ESCO2: variants seen among roughly 807,000 people sequenced by gnomAD.
ESCO2 encodes the protein establishment of sister chromatid cohesion N-acetyltransferase 2.
Under a neutral mutation model 61.7 loss-of-function variants are expected in ESCO2, and 51 were observed. That is an observed-to-expected ratio of 0.83 (90% CI 0.66 to 1.04). The LOEUF (loss-of-function observed/expected upper bound fraction) is 1.04, where lower values mean the gene tolerates loss of function less well. Ranked by LOEUF, ESCO2 falls within the 50% of genes least tolerant of loss-of-function variation. The pLI is 0.00. For missense variants in ESCO2, 692 were observed against 686.2 expected (o/e 1.01, Z -0.09); for synonymous variants, 230 against 238.2 (o/e 0.97, Z 0.32).
chr8:27,772,969 A>G (rs1305130105), upstream of ESCO2, among the ~76,000 whole-genome samples: 1 of 152,104 alleles, frequency 6.6e-6, no homozygotes. Flanking sequence ...TGGGGATTGG[A>G]CTTTGTTCTG....
At chr8:27,802,270 C>T (rs1805447000) in intron 10 of ESCO2, among the ~76,000 whole-genome samples, 1 of 151,068 alleles carries the variant, frequency 6.6e-6, no homozygotes, top group Admixed American at 6.6e-5. Flanking sequence ...TAGTTTTTCC[C>T]TTCTTAAAGC....
chr8:27,813,621 C>T (rs1430753672), downstream of ESCO2, among the ~76,000 whole-genome samples: 1 of 152,072 alleles, frequency 6.6e-6, no homozygotes, highest in Non-Finnish European at 1.5e-5. Context: ...CATATAGTTA[C>T]CATTTTTTTG....
chr8:27,772,258 G>C (rs1804650519), upstream of ESCO2, among the ~76,000 whole-genome samples: 1 of 152,342 alleles, frequency 6.6e-6, no homozygotes, highest in Non-Finnish European at 1.5e-5. Flanking sequence ...TCCGATTAGG[G>C]GACGAGAACT....
intron 9 of ESCO2, among the ~76,000 whole-genome samples, chr8:27,798,432 C>A (rs1805351531): frequency 6.6e-6 from 1 of 151,576 alleles, no homozygotes; most frequent in African/African-American, 2.4e-5. Flanking sequence ...GCAATCCAGC[C>A]TGGGCCACAG....
At chr8:27,797,886 C>G (rs539228133) in intron 9 of ESCO2, among the ~76,000 whole-genome samples, 3 of 152,080 alleles carry the variant, frequency 2.0e-5, no homozygotes, top group Admixed American at 2.0e-4. Context: ...ATTTAAGAGG[C>G]CTTTTCCTTC....
chr8:27,803,508 C>A lies in ESCO2; in HGVS notation c.*70C>A. On this transcript the variant is annotated 3_prime_UTR_variant, in exon 11 of 11. Transcript: ENST00000305188. ...AGAGCTCCTTATTATAAAATACAAA[C>A]TATTTAATATCAAAATAAAAAATAC... is the stretch of plus-strand genomic sequence containing the variant. The A allele has an allele frequency of 6.5e-7, 1 of 1,543,132 alleles. No individual in the cohort carries two copies. The highest frequency in any genetic ancestry group is 8.8e-7 in the Non-Finnish European group (1 of 1,140,454).
At chr8:27,807,193 TAATAGG>T (rs1805580683), downstream of ESCO2, among the ~76,000 whole-genome samples, 1 of 152,202 alleles carries the variant, frequency 6.6e-6, no homozygotes, top group Admixed American at 6.5e-5. Context: ...TCATTGCTGA[TAATAGG>T]TAAAGTTTTC....
chr8:27,784,180 G>A, intron 5 of ESCO2, 123 bp downstream of exon 5: 1 of 787,594 alleles, frequency 1.3e-6, no homozygotes, highest in Admixed American at 2.4e-5. Context: ...AAGGGGAATA[G>A]GAGAATAATA....
rs186880026 is a variant in ESCO2 at position 27,798,915 on chromosome 8, G to T, written c.1498-626G>T. On this transcript the variant is annotated intron_variant, in intron 9 of 10. Coordinates refer to ENST00000305188, the MANE Select transcript of ESCO2 (RefSeq NM_001017420.3). ...TATAATGAGGAAGAAGATCTTTGTG[G>T]TGACTCAATAGTTCTGCATTTTGAT... 6.6e-5 allele frequency among the ~76,000 whole-genome samples: 10 copies of T among 152,276 alleles called. No individual in the cohort carries two copies. In the East Asian group the frequency reaches 1.9e-3, roughly 29 times the overall value.
chr8:27,797,870 G>A (rs560319310), intron 9 of ESCO2, among the ~76,000 whole-genome samples: 1 of 152,102 alleles, frequency 6.6e-6, no homozygotes, highest in African/African-American at 2.4e-5. Context: ...TTTATGTTGT[G>A]TATTTATTTA....
intron 3 of ESCO2, 113 bp from the exon 4 acceptor site, chr8:27,780,061 T>G (rs1804888154): frequency 9.9e-6 from 7 of 708,942 alleles, no homozygotes; most frequent in South Asian, 9.8e-5. Context: ...TTATGAAATG[T>G]AATTCATAAT....
intron 9 of ESCO2, among the ~76,000 whole-genome samples, chr8:27,795,546 G>A (rs1805275701): frequency 6.6e-6 from 1 of 152,118 alleles, no homozygotes; most frequent in Non-Finnish European, 1.5e-5. Flanking sequence ...CCAGAACTAT[G>A]TAGAATAGAA....
At chr8:27,815,416 T>C (rs752090982), downstream of ESCO2, among the ~76,000 whole-genome samples, 1 of 152,232 alleles carries the variant, frequency 6.6e-6, no homozygotes, top group African/African-American at 2.4e-5. Flanking sequence ...TACTTAGTTC[T>C]GCTTTGGGCA....
Position 27,803,311 on chromosome 8 carries a change from G to A in ESCO2, c.1679G>A (p.Cys560Tyr). Residue 560 changes from cysteine to tyrosine, a missense_variant, in exon 11 of 11, where the codon TGC (cysteine) becomes TAC (tyrosine). By Grantham distance (194) the Cys-to-Tyr change is radical. Coordinates refer to ENST00000305188, the MANE Select transcript of ESCO2 (RefSeq NM_001017420.3). ...ARRLVDTLRN[C>Y]FMFGCFLSTD... ...CATCTTTTCTTCTCTTTTAGGAATT[G>A]CTTCATGTTTGGCTGTTTTCTCAGC... The A allele has an allele frequency of 6.2e-7, 1 of 1,613,816 alleles. No individual in the cohort carries two copies. Among genetic ancestry groups the A allele is most frequent in the East Asian group, 2.2e-5 (1 of 44,842 alleles).
upstream of ESCO2, chr8:27,772,560 T>C: frequency 1.3e-6 from 2 of 1,548,844 alleles, no homozygotes; most frequent in Admixed American, 2.0e-5. Context: ...AGCGGTGCGG[T>C]GACTCCACCG....
chr8:27,772,815 T>A (rs1412061030), upstream of ESCO2, among the ~76,000 whole-genome samples: 2 of 152,122 alleles, frequency 1.3e-5, no homozygotes, highest in Non-Finnish European at 2.9e-5. Flanking sequence ...TGCTTCACTT[T>A]CCTCAGCAGC....
In ESCO2 at chr8:27,778,341, TCGAGTATGGC is replaced by T. The variant is rs1179413047; in HGVS notation, c.861+1174_861+1183del. On this transcript the variant is annotated intron_variant, in intron 3 of 10. Coordinates refer to ENST00000305188, the MANE Select transcript of ESCO2 (RefSeq NM_001017420.3). ...AAATGTTTGTTTTTTTTCCTGTTTATCGAGTATGGCCAAGTAGATTGTTAAATGAGATACG... is the reference window on the plus strand; with the variant it reads ...AAATGTTTGTTTTTTTTCCTGTTTATCAAGTAGATTGTTAAATGAGATACG... The T allele has an allele frequency of 2.6e-5, 4 of 152,212 alleles. No homozygotes were observed. In the South Asian group the frequency reaches 6.2e-4, roughly 24 times the overall value. The allele number at this position is 152,212 out of a possible 1,614,324, so 9.4% of individuals were successfully genotyped here. A position where few individuals can be genotyped will look rare whatever the true frequency, so the allele number is the denominator to read the frequency against.
Position 27,788,851 on chromosome 8 carries a change from C to T in ESCO2, c.1136C>T (p.Ala379Val), listed in dbSNP as rs556530102. ...KKTKDQLIID[A>V]GQKHFGATVC... ...TTTTTTACCCCCCAATTATAGGACG[C>T]TGGTCAGAAACATTTTGGGGCTACT... The change falls in exon 7 of 11, where the codon GCT (alanine) becomes GTT (valine). Residue 379 changes from alanine to valine, a missense_variant. Transcript: ENST00000305188. The T allele has an allele frequency of 1.2e-6, 2 of 1,613,988 alleles. No homozygotes were observed. Among genetic ancestry groups the T allele is most frequent in the East Asian group, 2.2e-5 (1 of 44,854 alleles).
At chr8:27,814,919 C>T (rs997509703), downstream of ESCO2, among the ~76,000 whole-genome samples, 8 of 152,148 alleles carry the variant, frequency 5.3e-5, no homozygotes, top group Non-Finnish European at 8.8e-5. Context: ...CTAGGATAAA[C>T]TCAAACTCTT....
Sources: gnomAD v4.1 joint callset for allele counts (sites outside exome capture counted in the v4.1 genomes callset) on GRCh38, gnomAD v4.1.1 for gene constraint, MANE v1.5 for transcripts, NCBI Gene and HGNC (gene_info 2026-07-23, HGNC 2026-07-21) for gene names.